Variants in EPHX2 observed in about 807,000 individuals in gnomAD.
EPHX2 encodes bifunctional epoxide hydrolase 2.
A neutral mutation model predicts 78.7 loss-of-function variants in EPHX2; 74 were observed. The observed-to-expected ratio is 0.94, with a 90% CI of 0.78 to 1.14. The LOEUF is 1.14. Ranked by LOEUF, EPHX2 falls within the 50% of genes most tolerant of loss-of-function variation. EPHX2 has a pLI of 0.00. For missense variants in EPHX2, 715 were observed against 702.5 expected (o/e 1.02, Z -0.20); for synonymous variants, 251 against 255.2 (o/e 0.98, Z 0.16).
chr8:27,537,019 C>G (rs1414709395), intron 13 of EPHX2, among the ~76,000 whole-genome samples, 164 bp downstream of exon 13: 2 of 152,142 alleles, frequency 1.3e-5, no homozygotes, highest in Non-Finnish European at 2.9e-5. Context: ...AATTTACATC[C>G]TCGTTGACAC....
intron 1 of EPHX2, 105 bp downstream of exon 1, chr8:27,491,414 C>T (rs1167541666): frequency 4.0e-6 from 3 of 751,320 alleles, no homozygotes; most frequent in Non-Finnish European, 6.0e-6. Context: ...CGGAGCCCTG[C>T]GAATCATGCG....
intron 1 of EPHX2, among the ~76,000 whole-genome samples, chr8:27,493,748 T>C (rs1813471547): frequency 1.3e-5 from 2 of 152,332 alleles, no homozygotes; most frequent in African/African-American, 2.4e-5. Context: ...GAATATGCCT[T>C]GGCTGGGTAG....
In EPHX2 at chr8:27,515,842, T is replaced by C; in HGVS notation, c.831+29T>C. The C allele has an allele frequency of 3.1e-6, 5 of 1,599,468 alleles. No homozygotes were observed. In the East Asian group the frequency reaches 8.9e-5, roughly 29 times the overall value. ...AGAAAGCTGGGGAAGATGCAGCCAG[T>C]CAGGGTGAGGTTGGGGGAGTCTAGA... is the stretch of plus-strand genomic sequence containing the variant. On this transcript the variant is annotated intron_variant, in intron 7 of 18. Coordinates refer to ENST00000521400, the MANE Select transcript of EPHX2 (RefSeq NM_001979.6).
intron 8 of EPHX2, among the ~76,000 whole-genome samples, chr8:27,516,602 A>G (rs548565652): frequency 2.0e-4 from 30 of 152,276 alleles, no homozygotes; most frequent in Non-Finnish European, 2.9e-5. Flanking sequence ...CTCTGAATGA[A>G]TACAGCAGCC....
chr8:27,518,515 G>A (rs1814538644), intron 9 of EPHX2, among the ~76,000 whole-genome samples: 1 of 152,224 alleles, frequency 6.6e-6, no homozygotes, highest in Non-Finnish European at 1.5e-5. Flanking sequence ...TCCTGGAGAG[G>A]GGCCCCTCAC....
At chr8:27,536,906 A>AT (rs1249264643) in intron 13 of EPHX2, 51 bp downstream of exon 13, 1 of 1,598,246 alleles carries the variant, frequency 6.3e-7, no homozygotes, top group Non-Finnish European at 8.6e-7. Flanking sequence ...GTTGTGAAGG[A>AT]AGTAGGGTAC....
chr8:27,536,785 G>A lies in EPHX2; in HGVS notation c.1172G>A (p.Gly391Glu). ...ATTTTGCTTTCTTGATTGTTTTAGG[G>A]AGTGGCTGAGGCTGAACTGGAACAG... ...FDYQLYFQEPGVAEAELEQNL... is the reference protein window; with the variant it reads ...FDYQLYFQEPEVAEAELEQNL... The change falls in exon 13 of 19, where the codon GGA becomes GAA. Residue 391 changes from glycine to glutamate, a missense_variant and splice_region_variant. By Grantham distance (98) the Gly-to-Glu change is moderately conservative (BLOSUM62 -2). Transcript: ENST00000521400. 1 of 1,613,810 alleles carries A rather than the reference G, an allele frequency of 6.2e-7. No homozygotes were observed. The highest frequency in any genetic ancestry group is 8.5e-7 in the Non-Finnish European group (1 of 1,179,950).
In EPHX2 at chr8:27,540,455, G is replaced by A. The variant is rs148550135; in HGVS notation, c.1277-99G>A. On this transcript the variant is annotated intron_variant, in intron 14 of 18. Coordinates refer to ENST00000521400, the MANE Select transcript of EPHX2 (RefSeq NM_001979.6). ...GATGGAGGCACTCATAAGGCCTTGC[G>A]CAAGTTCAGATGGTCTGCGAGAGGC... 2.3e-4 allele frequency: 234 copies of A among 1,003,306 alleles called. 2 individuals carry two copies. In the Middle Eastern group the frequency reaches 3.0e-3, roughly 13 times the overall value. 62.2% of individuals were successfully genotyped at this position (1,003,306 alleles called of 1,614,324 possible).
chr8:27,496,036 A>G (rs1813561208), intron 1 of EPHX2, among the ~76,000 whole-genome samples: 1 of 152,146 alleles, frequency 6.6e-6, no homozygotes, highest in African/African-American at 2.4e-5. Context: ...AAAGCTGGTG[A>G]TCCCAAGGAA....
At chr8:27,539,054 AG>A (rs1358731899) in intron 14 of EPHX2, 6 of 218,038 alleles carry the variant, frequency 2.8e-5, no homozygotes, top group African/African-American at 1.4e-4. Flanking sequence ...GCCCCTGCCC[AG>A]GTCTCCTCCA....
At chr8:27,509,548 G>A (rs1443271446) in intron 5 of EPHX2, among the ~76,000 whole-genome samples, 3 of 152,026 alleles carry the variant, frequency 2.0e-5, no homozygotes, top group Non-Finnish European at 2.9e-5. Context: ...AGGATCAAGC[G>A]ATTTCTGGCT....
chr8:27,513,021 C>T (rs921281280), intron 6 of EPHX2, among the ~76,000 whole-genome samples: 3 of 152,096 alleles, frequency 2.0e-5, no homozygotes, highest in African/African-American at 7.2e-5. Context: ...TGGAGGAGAA[C>T]CTTCAGAGAG....
At position 27,541,502 on chromosome 8, in the gene EPHX2, A is replaced by G. The variant is rs68053459; in HGVS notation, c.1409A>G (p.Glu470Gly). The G allele has an allele frequency of 6.4e-4, 1,033 of 1,614,224 alleles. 8 individuals carry two copies. The African/African-American group carries it at 0.011, about 18-fold the overall frequency. The change falls in exon 16 of 19, where the codon GAA becomes GGA. Residue 470 changes from glutamate to glycine, a missense_variant. Physicochemically the swap from Glu to Gly is moderately conservative, Grantham distance 98 (BLOSUM62 -2). Transcript: ENST00000521400. ...CCTCTAAACTGGTACCGAAACATGG[A>G]AAGGAACTGGAAGTGGGCTTGCAAA... ...RGPLNWYRNM[E>G]RNWKWACKSL... is the part of the protein sequence containing the mutation.
At chr8:27,539,786 G>A (rs1815335969) in intron 14 of EPHX2, among the ~76,000 whole-genome samples, 1 of 152,204 alleles carries the variant, frequency 6.6e-6, no homozygotes, top group South Asian at 2.1e-4. Flanking sequence ...TGGTGGGGAG[G>A]CTCAGGGTGG....
At chr8:27,512,996 G>A (rs992722705) in intron 6 of EPHX2, among the ~76,000 whole-genome samples, 4 of 152,148 alleles carry the variant, frequency 2.6e-5, no homozygotes, top group African/African-American at 9.7e-5. Context: ...GAGACCTTGG[G>A]GACCCTTGCT....
At chr8:27,526,892 G>A (rs532415116) in intron 12 of EPHX2, among the ~76,000 whole-genome samples, 4 of 152,026 alleles carry the variant, frequency 2.6e-5, no homozygotes, top group East Asian at 1.9e-4. Context: ...CTGAGACTAC[G>A]GGTGTGTGCC....
At chr8:27,511,740 T>A in intron 5 of EPHX2, 96 bp from the exon 6 acceptor site, 1 of 1,299,228 alleles carries the variant, frequency 7.7e-7, no homozygotes. Context: ...GTGGAAAAGG[T>A]GATTTCCAAG....
intron 1 of EPHX2, among the ~76,000 whole-genome samples, chr8:27,497,176 G>A (rs1353360324): frequency 6.6e-6 from 1 of 152,152 alleles, no homozygotes; most frequent in East Asian, 1.9e-4. Context: ...CTTACCTGGG[G>A]CTCAGTCAGG....
intron 4 of EPHX2, among the ~76,000 whole-genome samples, chr8:27,506,051 C>A (rs115131325): frequency 6.6e-6 from 1 of 152,046 alleles, no homozygotes; most frequent in East Asian, 1.9e-4. Flanking sequence ...TGCAGTGAAG[C>A]GATCATAGCT....
Sources: allele counts gnomAD v4.1 joint callset (sites outside exome capture counted in the v4.1 genomes callset), GRCh38; gene constraint gnomAD v4.1.1; transcripts MANE v1.5; gene names NCBI Gene and HGNC (gene_info 2026-07-23, HGNC 2026-07-21).